FRMPD4: variants seen among roughly 807,000 people sequenced by gnomAD.
The protein encoded by FRMPD4 is FERM and PDZ domain containing 4.
Under a neutral mutation model 94.1 loss-of-function variants are expected in FRMPD4, and 22 were observed. The ratio of observed to expected loss-of-function variants is 0.23; its 90% CI spans 0.17 to 0.33. FRMPD4 has a LOEUF of 0.33. FRMPD4 is among the 10% of genes least tolerant of loss of function. The pLI is 1.00. For synonymous variants in FRMPD4, 631 were observed against 548.6 expected (o/e 1.15, Z -2.10); for missense variants, 1,111 against 1,339.9 (o/e 0.83, Z 2.67).
Position 12,576,478 on chromosome X carries a change from C to T in FRMPD4, c.159-33243C>T, listed in dbSNP as rs1010197269. 2.7e-5 allele frequency among the ~76,000 whole-genome samples: 3 copies of T among 112,542 alleles called. 1 individual carries two copies. Among genetic ancestry groups the T allele is most frequent in the African/African-American group, 9.7e-5 (3 of 30,963 alleles). The stretch of plus-strand genomic sequence containing the variant: ...AGAGAAATTTATATTTATACCATAC[C>T]ACATCCTCATCTGCTTAAGGCCTGC... On this transcript the variant is annotated intron_variant, in intron 2 of 16. Transcript: ENST00000675598.
At chrX:12,388,641 A>G (rs1010857097) in intron 1 of FRMPD4, among the ~76,000 whole-genome samples, 1 of 105,082 alleles carries the variant, frequency 9.5e-6, no homozygotes, top group Non-Finnish European at 1.9e-5. Context: ...AAAATAAAAT[A>G]TCTATATGAT....
At chrX:12,489,682 G>A (rs980466370) in intron 1 of FRMPD4, among the ~76,000 whole-genome samples, 8 of 112,058 alleles carry the variant, frequency 7.1e-5, no homozygotes, top group African/African-American at 1.9e-4. Context: ...CCATATTACC[G>A]CTAAAGGCAA....
intron 1 of FRMPD4, among the ~76,000 whole-genome samples, chrX:12,314,819 C>T (rs1265035244): frequency 1.8e-5 from 2 of 111,429 alleles, no homozygotes; most frequent in Non-Finnish European, 3.8e-5. Flanking sequence ...AGTGACACAG[C>T]TAACACTGTG....
At chrX:12,115,716 C>T (rs1259176753) in intron 3 of FRMPD4, among the ~76,000 whole-genome samples, 1 of 109,302 alleles carries the variant, frequency 9.1e-6, no homozygotes. Context: ...GAGATTAACT[C>T]ATGTCCCTTC....
At chrX:12,402,908 G>A (rs185923691) in intron 1 of FRMPD4, among the ~76,000 whole-genome samples, 1 of 111,955 alleles carries the variant, frequency 8.9e-6, no homozygotes, top group Non-Finnish European at 1.9e-5. Context: ...CTTGGTCTTG[G>A]ACTTCCTAGC....
chrX:12,100,529 C>G (rs1262054858), intron 3 of FRMPD4, among the ~76,000 whole-genome samples: 2 of 109,324 alleles, frequency 1.8e-5, no homozygotes, highest in Non-Finnish European at 3.8e-5. Context: ...TTTGAAACAT[C>G]TAAATAAAAA....
chrX:12,064,527 T>C (rs780806848), intron 3 of FRMPD4, among the ~76,000 whole-genome samples: 2 of 112,125 alleles, frequency 1.8e-5, no homozygotes, highest in Non-Finnish European at 3.8e-5. Flanking sequence ...TGTGACTTAC[T>C]AGTCAGGTGC....
intron 1 of FRMPD4, among the ~76,000 whole-genome samples, chrX:12,475,737 C>G (rs187318482): frequency 3.1e-3 from 352 of 111,751 alleles, no homozygotes; most frequent in Non-Finnish European, 5.2e-3. Flanking sequence ...AACAAAATAC[C>G]TAGGAATCCA....
At chrX:12,075,182 G>A (rs1353490585) in intron 3 of FRMPD4, among the ~76,000 whole-genome samples, 1 of 112,145 alleles carries the variant, frequency 8.9e-6, no homozygotes, top group Non-Finnish European at 1.9e-5. Context: ...TTATAATGGT[G>A]GATACTTGTC....
At chrX:12,324,961 C>T (rs1463327779) in intron 1 of FRMPD4, among the ~76,000 whole-genome samples, 2 of 111,920 alleles carry the variant, frequency 1.8e-5, no homozygotes, top group Admixed American at 9.5e-5. Context: ...TTGTTTGATG[C>T]TTTGTCAAAG....
At chrX:11,871,636 G>A (rs1261907179) in intron 2 of FRMPD4, among the ~76,000 whole-genome samples, 4 of 112,086 alleles carry the variant, frequency 3.6e-5, no homozygotes, top group Non-Finnish European at 7.5e-5. Context: ...CAACTCTGTT[G>A]GAGGGCATTG....
intron 4 of FRMPD4, among the ~76,000 whole-genome samples, chrX:12,648,603 T>G (rs1457824834): frequency 1.8e-5 from 2 of 112,086 alleles, no homozygotes; most frequent in Middle Eastern, 4.2e-3. Flanking sequence ...AACTACCAAA[T>G]AGAGAAAGTG....
intron 3 of FRMPD4, among the ~76,000 whole-genome samples, chrX:11,995,482 A>G (rs1353320233): frequency 9.0e-6 from 1 of 111,538 alleles, no homozygotes; most frequent in Admixed American, 9.5e-5. Flanking sequence ...AGCTGTAAAT[A>G]GAGTTTAATC....
At chrX:12,127,855 T>C (rs1018731216) in intron 3 of FRMPD4, among the ~76,000 whole-genome samples, 2 of 112,959 alleles carry the variant, frequency 1.8e-5, no homozygotes, top group African/African-American at 6.4e-5. Flanking sequence ...ACAAAGGGGC[T>C]ATAGGCACCA....
intron 1 of FRMPD4, among the ~76,000 whole-genome samples, chrX:12,273,672 C>T (rs2054387780): frequency 9.0e-6 from 1 of 111,459 alleles, no homozygotes; most frequent in Admixed American, 9.5e-5. Context: ...ATATATACTG[C>T]CAGTTATTAA....
At chrX:12,055,396 C>T (rs749234541) in intron 3 of FRMPD4, among the ~76,000 whole-genome samples, 2 of 111,148 alleles carry the variant, frequency 1.8e-5, no homozygotes, top group Admixed American at 9.6e-5. Flanking sequence ...TGAATTCTCA[C>T]GAGATCCAGT....
intron 1 of FRMPD4, among the ~76,000 whole-genome samples, chrX:12,185,666 T>C (rs2056416072): frequency 9.0e-6 from 1 of 111,666 alleles, no homozygotes; most frequent in East Asian, 2.8e-4. Flanking sequence ...ATTTTTGAAA[T>C]GTCAGTGCAA....
chrX:12,332,190 T>TTATATATA (rs1173963808), intron 1 of FRMPD4, among the ~76,000 whole-genome samples: 1 of 63,459 alleles, frequency 1.6e-5, no homozygotes, highest in Admixed American at 2.1e-4. Flanking sequence ...AATTTATATT[T>TTATATATA]TATATATATA....
chrX:11,834,970 G>A (rs1426849874), intron 1 of FRMPD4, among the ~76,000 whole-genome samples: 1 of 111,815 alleles, frequency 8.9e-6, no homozygotes, highest in African/African-American at 3.2e-5. Flanking sequence ...AGGAGAAAAG[G>A]ATCTGTCATA....
Sources: allele counts gnomAD v4.1 joint callset (sites outside exome capture counted in the v4.1 genomes callset), GRCh38; gene constraint gnomAD v4.1.1; transcripts MANE v1.5; gene names NCBI Gene and HGNC (gene_info 2026-07-23, HGNC 2026-07-21).